Variants in CYTH3 observed in about 807,000 individuals in gnomAD.
CYTH3 encodes cytohesin 3.
A neutral mutation model predicts 55.1 loss-of-function variants in CYTH3; 23 were observed. The observed-to-expected ratio is 0.42, with a 90% CI of 0.30 to 0.59. The LOEUF (loss-of-function observed/expected upper bound fraction) is 0.59, where lower values mean the gene tolerates loss of function less well. CYTH3 is among the 20% of genes least tolerant of loss of function. The pLI, the probability that CYTH3 is intolerant of heterozygous loss-of-function variation, is 0.20. For missense variants in CYTH3, 413 were observed against 524.8 expected (o/e 0.79, Z 2.08); for synonymous variants, 249 against 194.9 (o/e 1.28, Z -2.31).
intron 1 of CYTH3, among the ~76,000 whole-genome samples, chr7:6,256,087 T>G (rs1295181861): frequency 6.6e-6 from 1 of 152,180 alleles, no homozygotes; most frequent in Non-Finnish European, 1.5e-5. Flanking sequence ...TTAACCAAAG[T>G]TGAAATGGCC....
intron 1 of CYTH3, among the ~76,000 whole-genome samples, chr7:6,205,906 C>CAAAAAAAA (rs1784175980): frequency 1.1e-5 from 1 of 92,746 alleles, no homozygotes; most frequent in African/African-American, 5.1e-5. Flanking sequence ...AAAAAAAAAG[C>CAAAAAAAA]TTATTTTAGA....
At chr7:6,221,829 G>C (rs911670618) in intron 1 of CYTH3, among the ~76,000 whole-genome samples, 7 of 152,170 alleles carry the variant, frequency 4.6e-5, no homozygotes, top group African/African-American at 1.4e-4. Context: ...AGGCGTGTCT[G>C]TGGTCCCAGC....
intron 1 of CYTH3, among the ~76,000 whole-genome samples, chr7:6,223,599 C>T (rs564673273): frequency 6.6e-6 from 1 of 152,148 alleles, no homozygotes; most frequent in Non-Finnish European, 1.5e-5. Flanking sequence ...AAGAGCAGTG[C>T]AAGATGTGCT....
intron 4 of CYTH3, among the ~76,000 whole-genome samples, chr7:6,179,701 C>A (rs1583749272): frequency 9.0e-6 from 1 of 111,228 alleles, no homozygotes; most frequent in Non-Finnish European, 1.9e-5. Flanking sequence ...CACACACACA[C>A]CCCACACACA....
chr7:6,188,232 C>T (rs755807093), intron 2 of CYTH3, among the ~76,000 whole-genome samples: 27 of 151,956 alleles, frequency 1.8e-4, no homozygotes, highest in Non-Finnish European at 2.9e-4. Context: ...ACTAGAGAGG[C>T]TGAGGAGGGA....
chr7:6,261,355 G>A (rs1174188557), intron 1 of CYTH3, among the ~76,000 whole-genome samples: 2 of 152,128 alleles, frequency 1.3e-5, no homozygotes, highest in Non-Finnish European at 2.9e-5. Context: ...AGCTTTCAGT[G>A]GGAACCACTA....
At chr7:6,271,792 C>A (rs973856822) in intron 1 of CYTH3, among the ~76,000 whole-genome samples, 1 of 152,200 alleles carries the variant, frequency 6.6e-6, no homozygotes, top group African/African-American at 2.4e-5. Flanking sequence ...GGTCTTGCCT[C>A]TGTGCTGGGT....
chr7:6,195,987 C>T (rs1583772869), intron 1 of CYTH3, among the ~76,000 whole-genome samples: 2 of 152,174 alleles, frequency 1.3e-5, no homozygotes, highest in South Asian at 4.1e-4. Flanking sequence ...ACGATGTCAT[C>T]GGTAACCCAG....
At chr7:6,183,970 C>G (rs1024746565) in intron 4 of CYTH3, among the ~76,000 whole-genome samples, 1 of 148,940 alleles carries the variant, frequency 6.7e-6, no homozygotes, top group Non-Finnish European at 1.5e-5. Context: ...ACCAATCATG[C>G]TGGCACCCTC....
In CYTH3 at chr7:6,272,528, C is replaced by A; in HGVS notation, c.-21G>T. 1 of 1,268,456 alleles carries A rather than the reference C, an allele frequency of 7.9e-7. No homozygotes were observed. Among genetic ancestry groups the A allele is most frequent in the South Asian group, 1.6e-5 (1 of 60,696 alleles). 78.6% of individuals were successfully genotyped at this position (1,268,456 alleles called of 1,614,324 possible). A position where few individuals can be genotyped will look rare whatever the true frequency, so the allele number is the denominator to read the frequency against. ...TCCATCTTGAGGCCACTCCCGCAGCCGGCGAGCCGGGGGCCGGCAGCAGAG... is the reference window on the plus strand; with the variant it reads ...TCCATCTTGAGGCCACTCCCGCAGCAGGCGAGCCGGGGGCCGGCAGCAGAG... On this transcript the variant is annotated 5_prime_UTR_variant, in exon 1 of 13. Coordinates refer to ENST00000350796, the MANE Select transcript of CYTH3 (RefSeq NM_004227.4).
intron 1 of CYTH3, among the ~76,000 whole-genome samples, chr7:6,267,997 A>C (rs889741798): frequency 1.3e-5 from 2 of 152,060 alleles, no homozygotes; most frequent in African/African-American, 4.8e-5. Context: ...TTTCCTTCCC[A>C]CCTATATTCC....
chr7:6,251,532 G>C (rs982010264), intron 1 of CYTH3, among the ~76,000 whole-genome samples: 5 of 152,126 alleles, frequency 3.3e-5, no homozygotes, highest in Admixed American at 6.5e-5. Context: ...GGCGCAGACA[G>C]AGCAGCAATC....
chr7:6,196,869 A>G (rs1205175043), intron 1 of CYTH3, among the ~76,000 whole-genome samples: 1 of 152,244 alleles, frequency 6.6e-6, no homozygotes, highest in Non-Finnish European at 1.5e-5. Context: ...AAGTCTGTCA[A>G]CAACATTTAC....
In CYTH3 at chr7:6,170,476, A is replaced by T; in HGVS notation, c.823+59T>A. On this transcript the variant is annotated intron_variant, in intron 9 of 12. Coordinates refer to ENST00000350796, the MANE Select transcript of CYTH3 (RefSeq NM_004227.4). The surrounding 1 kb of genome is among the most constrained non-coding windows in gnomAD (Gnocchi z 7.8). ...CTACGATGAGCCTGGGAGGAACCCG[A>T]GGGGCTGCTGCCATGGGCAGAGGGG... is the stretch of plus-strand genomic sequence containing the variant. 1 of 1,506,154 alleles carries T rather than the reference A, an allele frequency of 6.6e-7. No homozygotes were observed. Among genetic ancestry groups the T allele is most frequent in the Admixed American group, 1.9e-5 (1 of 53,212 alleles). The allele number at this position is 1,506,154 out of a possible 1,614,324, so 93.3% of individuals were successfully genotyped here.
rs886152286 is a variant in CYTH3 at position 6,161,886 on chromosome 7, G to C, written c.*3058C>G. The C allele has an allele frequency of 6.6e-6, 1 of 152,568 alleles. No homozygotes were observed. 9.5% of individuals were successfully genotyped at this position (152,568 alleles called of 1,614,324 possible). On this transcript the variant is annotated 3_prime_UTR_variant, in exon 13 of 13. Transcript: ENST00000350796. ...CACTTTACAACCAAGTATCAATAGA[G>C]GCTGTTCCTTCATGCGAGCTGTGGG...
intron 1 of CYTH3, among the ~76,000 whole-genome samples, chr7:6,250,345 C>A (rs1273001777): frequency 1.6e-4 from 24 of 152,176 alleles, no homozygotes; most frequent in Admixed American, 1.6e-3. Context: ...AAACTTCAAC[C>A]TTTTCAATAG....
chr7:6,173,489 T>C (rs898135005), intron 6 of CYTH3, among the ~76,000 whole-genome samples, 164 bp downstream of exon 6: 2 of 152,176 alleles, frequency 1.3e-5, no homozygotes, highest in African/African-American at 4.8e-5. Context: ...CTAGGGCTGC[T>C]CAGTGTCACA....
chr7:6,253,592 C>T (rs1465043494), intron 1 of CYTH3, among the ~76,000 whole-genome samples: 1 of 151,828 alleles, frequency 6.6e-6, no homozygotes, highest in Non-Finnish European at 1.5e-5. Flanking sequence ...CCAAGGCGGG[C>T]AGATCACAAG....
chr7:6,185,024 T>C (rs1170305782), intron 4 of CYTH3, among the ~76,000 whole-genome samples: 1 of 152,206 alleles, frequency 6.6e-6, no homozygotes, highest in African/African-American at 2.4e-5. Context: ...CACATCCACT[T>C]TCATAAAGAA....
Sources: allele counts gnomAD v4.1 joint callset (sites outside exome capture counted in the v4.1 genomes callset), GRCh38; gene constraint gnomAD v4.1.1; non-coding constraint Gnocchi (gnomAD v3.1); transcripts MANE v1.5; gene names NCBI Gene and HGNC (gene_info 2026-07-23, HGNC 2026-07-21).